The following CCSER1 variants were observed in gnomAD, a reference collection of about 807,000 sequenced individuals.
CCSER1 encodes the protein coiled-coil serine rich protein 1, also known as serine-rich coiled-coil domain-containing protein 1.
In CCSER1, 41 loss-of-function variants were observed where a neutral mutation model predicts 82.0. The ratio of observed to expected loss-of-function variants is 0.50; its 90% CI spans 0.39 to 0.65. The LOEUF (loss-of-function observed/expected upper bound fraction) is 0.65. Ranked by LOEUF, CCSER1 falls within the 30% of genes least tolerant of loss-of-function variation. The probability of loss-of-function intolerance (pLI) is 0.00; values close to 1 mark genes in which losing one functional copy is unlikely to be tolerated. For missense variants in CCSER1, 1,119 were observed against 1,064.2 expected, an observed-to-expected ratio of 1.05 and a Z score of -0.72; for synonymous variants, 414 against 383.9, an observed-to-expected ratio of 1.08 and a Z score of -0.92.
intron 9 of CCSER1, among the ~76,000 whole-genome samples, chr4:91,029,337 C>T (rs1461598): frequency 2.0e-5 from 3 of 151,330 alleles, no homozygotes; most frequent in African/African-American, 4.9e-5. Flanking sequence ...ATTATATACT[C>T]GAGGCAAAAC....
chr4:90,696,608 A>G (rs919627351), intron 6 of CCSER1, among the ~76,000 whole-genome samples: 1 of 152,206 alleles, frequency 6.6e-6, no homozygotes, highest in Non-Finnish European at 1.5e-5. Flanking sequence ...GCTTACCATC[A>G]TAGCATATAG....
chr4:90,834,802 A>C (rs1475024942), intron 8 of CCSER1, among the ~76,000 whole-genome samples: 6 of 152,198 alleles, frequency 3.9e-5, no homozygotes, highest in Admixed American at 3.9e-4. Context: ...AATATGGCAG[A>C]ATAAGATGTG....
intron 6 of CCSER1, among the ~76,000 whole-genome samples, chr4:90,629,330 T>A (rs541604727): frequency 1.3e-5 from 2 of 152,096 alleles, no homozygotes; most frequent in Non-Finnish European, 2.9e-5. Flanking sequence ...TGAGGCTAGG[T>A]AATTTATAAA....
At chr4:90,517,871 A>C (rs1331115472) in intron 5 of CCSER1, among the ~76,000 whole-genome samples, 4 of 152,088 alleles carry the variant, frequency 2.6e-5, no homozygotes, top group Non-Finnish European at 5.9e-5. Flanking sequence ...GAATCAGATT[A>C]ATCATCCTGG....
intron 10 of CCSER1, among the ~76,000 whole-genome samples, chr4:91,377,149 T>C (rs1414188356): frequency 2.0e-5 from 3 of 152,204 alleles, no homozygotes; most frequent in Non-Finnish European, 4.4e-5. Flanking sequence ...CAGTCTATCA[T>C]TGTTGGACAT....
chr4:91,271,863 T>G (rs1742060765), intron 10 of CCSER1, among the ~76,000 whole-genome samples: 1 of 152,182 alleles, frequency 6.6e-6, no homozygotes, highest in Non-Finnish European at 1.5e-5. Context: ...CAAGTGATTC[T>G]CCTGCCTCAT....
chr4:90,244,892 A>G lies in CCSER1; in HGVS notation c.-41-63352A>G, dbSNP rs182383240. Among the ~76,000 whole-genome samples the G allele has an allele frequency of 3.6e-4, 55 of 152,298 alleles. No individual in the cohort carries two copies. In the East Asian group the frequency reaches 0.01, roughly 28 times the overall value. ...GTTTAGAGGTATCATAGACAGGTGAATAGAAAATGAGCTTTAGAGTCACAC... is the reference window on the plus strand; with the variant it reads ...GTTTAGAGGTATCATAGACAGGTGAGTAGAAAATGAGCTTTAGAGTCACAC... On this transcript the variant is annotated intron_variant, in intron 1 of 10. Coordinates refer to ENST00000509176, the MANE Select transcript of CCSER1 (RefSeq NM_001145065.2).
At chr4:90,627,833 G>A (rs574438732) in intron 5 of CCSER1, among the ~76,000 whole-genome samples, 192 bp from the exon 6 acceptor site, 7 of 151,922 alleles carry the variant, frequency 4.6e-5, no homozygotes, top group East Asian at 1.9e-4. Flanking sequence ...ACAAGATCAC[G>A]CCACTGCACT....
Position 91,181,311 on chromosome 4 carries a change from A to G in CCSER1, c.2217+95317A>G, listed in dbSNP as rs535944220. On this transcript the variant is annotated intron_variant, in intron 10 of 10. Coordinates refer to ENST00000509176, the MANE Select transcript of CCSER1 (RefSeq NM_001145065.2). ...AGACTACCCAAAGACAATACAGATT[A>G]AAAGCACAATCATCATTGAAATCAC... 1.2e-3 allele frequency among the ~76,000 whole-genome samples: 189 copies of G among 152,358 alleles called. 1 individual carries two copies. The highest frequency in any genetic ancestry group is 2.3e-3 in the Non-Finnish European group (159 of 68,030).
intron 10 of CCSER1, among the ~76,000 whole-genome samples, chr4:91,556,817 AG>A (rs1762429806): frequency 6.6e-6 from 1 of 151,148 alleles, no homozygotes; most frequent in Non-Finnish European, 1.5e-5. Context: ...AGATATTTTA[AG>A]AAAAATTATT....
At chr4:91,222,232 G>T (rs1271814938) in intron 10 of CCSER1, among the ~76,000 whole-genome samples, 1 of 151,080 alleles carries the variant, frequency 6.6e-6, no homozygotes, top group Non-Finnish European at 1.5e-5. Flanking sequence ...ATGCAGGAAG[G>T]TGAGCACAGC....
chr4:90,326,089 C>T (rs1036692873), intron 3 of CCSER1, among the ~76,000 whole-genome samples: 4 of 126,536 alleles, frequency 3.2e-5, no homozygotes, highest in Admixed American at 9.7e-5. Flanking sequence ...GACGGAATCT[C>T]ACTCTTTCAC....
chr4:90,991,543 A>G lies in CCSER1; in HGVS notation c.2172+68096A>G, dbSNP rs143068533. On this transcript the variant is annotated intron_variant, in intron 9 of 10. Transcript: ENST00000509176. ...GTCTTCACAAGGCTGTCTTCTCTCT[A>G]TGTCAGTATGTCTATGTCTTCACAT... is the stretch of plus-strand genomic sequence containing the variant. Among the ~76,000 whole-genome samples, 1,219 of 151,924 alleles carry G rather than the reference A, an allele frequency of 8.0e-3. 26 individuals are homozygous for G. The highest frequency in any genetic ancestry group is 0.028 in the African/African-American group (1,165 of 41,468).
intron 5 of CCSER1, among the ~76,000 whole-genome samples, chr4:90,516,272 T>A (rs1400296044): frequency 6.6e-6 from 1 of 152,188 alleles, no homozygotes; most frequent in East Asian, 1.9e-4. Context: ...GGTGCCCTTA[T>A]TTTGTCTTTC....
At chr4:91,363,557 C>A (rs1359944187) in intron 10 of CCSER1, among the ~76,000 whole-genome samples, 1 of 151,694 alleles carries the variant, frequency 6.6e-6, no homozygotes, top group African/African-American at 2.4e-5. Flanking sequence ...CTGTTTTCTC[C>A]CCTTTTCCTT....
At chr4:91,100,547 T>C (rs1724956653) in intron 10 of CCSER1, among the ~76,000 whole-genome samples, 1 of 152,200 alleles carries the variant, frequency 6.6e-6, no homozygotes, top group South Asian at 2.1e-4. Flanking sequence ...ACATTCCAAA[T>C]CGGTTCTGAG....
chr4:91,150,590 C>T (rs1730073477), intron 10 of CCSER1, among the ~76,000 whole-genome samples: 1 of 152,260 alleles, frequency 6.6e-6, no homozygotes, highest in Admixed American at 6.5e-5. Context: ...CCAGTTTTTG[C>T]CCATTCAGTA....
chr4:90,586,193 G>A (rs1400117977), intron 5 of CCSER1, among the ~76,000 whole-genome samples: 1 of 152,084 alleles, frequency 6.6e-6, no homozygotes, highest in African/African-American at 2.4e-5. Flanking sequence ...GAATTCTATT[G>A]TGTGCTGCAC....
At chr4:90,434,015 A>G (rs1374396447) in intron 4 of CCSER1, among the ~76,000 whole-genome samples, 1 of 151,938 alleles carries the variant, frequency 6.6e-6, no homozygotes, top group African/African-American at 2.4e-5. Context: ...ATAGTTTAAA[A>G]GATTATATAT....
Sources: allele counts gnomAD v4.1 joint callset (sites outside exome capture counted in the v4.1 genomes callset), GRCh38; gene constraint gnomAD v4.1.1; transcripts MANE v1.5; gene names NCBI Gene and HGNC (gene_info 2026-07-23, HGNC 2026-07-21).